RBFOX1: variants seen among roughly 807,000 people sequenced by gnomAD.
RBFOX1 encodes the protein RNA binding protein fox-1 homolog 1.
A neutral mutation model predicts 57.7 loss-of-function variants in RBFOX1; 8 were observed. The observed-to-expected ratio is 0.14, with a 90% CI of 0.08 to 0.25. The LOEUF (loss-of-function observed/expected upper bound fraction) is 0.25. Ranked by LOEUF, RBFOX1 falls within the 10% of genes least tolerant of loss-of-function variation. The probability of loss-of-function intolerance (pLI) is 1.00; values close to 1 mark genes in which losing one functional copy is unlikely to be tolerated. For synonymous variants in RBFOX1, 326 were observed against 222.4 expected (o/e 1.47, Z -4.15); for missense variants, 611 against 548.5 (o/e 1.11, Z -1.14).
At chr16:5,753,613 C>G (rs970868069) in intron 3 of RBFOX1, among the ~76,000 whole-genome samples, 4 of 152,114 alleles carry the variant, frequency 2.6e-5, no homozygotes, top group East Asian at 1.9e-4. Context: ...AGGAAACCTA[C>G]CAGCTGGTTG....
intron 2 of RBFOX1, among the ~76,000 whole-genome samples, chr16:6,620,176 C>G (rs1038524905): frequency 3.9e-5 from 6 of 152,058 alleles, no homozygotes; most frequent in African/African-American, 1.2e-4. Context: ...TAACTAAATT[C>G]AAAATCAGTC....
chr16:6,632,575 T>G (rs1023525378), intron 2 of RBFOX1, among the ~76,000 whole-genome samples: 2 of 152,144 alleles, frequency 1.3e-5, no homozygotes, highest in African/African-American at 4.8e-5. Flanking sequence ...TGGATTTCAG[T>G]GGAACAAAAA....
intron 4 of RBFOX1, among the ~76,000 whole-genome samples, chr16:5,953,342 A>G (rs1255978730): frequency 2.6e-5 from 4 of 152,190 alleles, no homozygotes; most frequent in East Asian, 1.9e-4. Flanking sequence ...AATTATTTCC[A>G]TAGGTTATTT....
intron 1 of RBFOX1, among the ~76,000 whole-genome samples, chr16:6,206,836 A>T (rs1019079998): frequency 6.6e-6 from 1 of 152,134 alleles, no homozygotes; most frequent in Non-Finnish European, 1.5e-5. Context: ...TGCTTAATGT[A>T]ATCCTTCGCT....
chr16:5,928,889 C>G (rs2058990072), intron 4 of RBFOX1, among the ~76,000 whole-genome samples: 1 of 151,868 alleles, frequency 6.6e-6, no homozygotes, highest in East Asian at 1.9e-4. Context: ...CTGTGACAGC[C>G]CATGTTCAAA....
At chr16:7,164,432 A>G (rs140438017) in intron 4 of RBFOX1, among the ~76,000 whole-genome samples, 3,448 of 152,332 alleles carry the variant, frequency 0.023, 53 homozygotes, top group Middle Eastern at 0.034. Flanking sequence ...ACATACGTCT[A>G]CAAGTGTCTT....
chr16:7,172,592 T>A (rs2061809), intron 4 of RBFOX1, among the ~76,000 whole-genome samples: 1 of 151,932 alleles, frequency 6.6e-6, no homozygotes, highest in African/African-American at 2.4e-5. Context: ...GTTTCCTTCA[T>A]ATTGGAGAAA....
chr16:7,324,977 G>A (rs2096592567), intron 4 of RBFOX1, among the ~76,000 whole-genome samples: 1 of 152,080 alleles, frequency 6.6e-6, no homozygotes, highest in Non-Finnish European at 1.5e-5. Flanking sequence ...TAATTCCTGG[G>A]TCTTAGTTTT....
intron 1 of RBFOX1, among the ~76,000 whole-genome samples, chr16:6,253,277 C>T (rs1223837513): frequency 6.6e-6 from 1 of 152,162 alleles, no homozygotes; most frequent in Non-Finnish European, 1.5e-5. Flanking sequence ...CAGATCTTTC[C>T]TTCATCATCG....
intron 3 of RBFOX1, among the ~76,000 whole-genome samples, chr16:5,856,571 GTGTGTA>G (rs2057068683): frequency 3.6e-5 from 1 of 27,990 alleles, no homozygotes; most frequent in Admixed American, 4.1e-4. Flanking sequence ...GTATGTGTGT[GTGTGTA>G]TATATATATA....
At chr16:7,600,486 G>A (rs191267109) in intron 9 of RBFOX1, among the ~76,000 whole-genome samples, 5 of 152,188 alleles carry the variant, frequency 3.3e-5, no homozygotes, top group Admixed American at 6.5e-5. Context: ...TAAGCAAGAC[G>A]ATAGAGTTAT....
chr16:6,426,975 G>A (rs1054407505), intron 2 of RBFOX1, among the ~76,000 whole-genome samples: 24 of 152,112 alleles, frequency 1.6e-4, no homozygotes, highest in African/African-American at 4.1e-4. Context: ...ATTCTATCTC[G>A]CTGTATAATT....
At chr16:5,776,051 T>C (rs1405884092) in intron 3 of RBFOX1, among the ~76,000 whole-genome samples, 2 of 152,154 alleles carry the variant, frequency 1.3e-5, no homozygotes, top group Admixed American at 1.3e-4. Flanking sequence ...TAATAAAAAA[T>C]GGAAATGGCT....
Position 7,630,680 on chromosome 16 carries a change from G to C in RBFOX1, c.754G>C (p.Ala252Pro). 6.2e-7 allele frequency: 1 copy of C among 1,614,088 alleles called. No individual in the cohort carries two copies. The highest frequency in any genetic ancestry group is 8.5e-7 in the Non-Finnish European group (1 of 1,180,014). The change falls in exon 11 of 16, where the codon GCA becomes CCA. Residue 252 changes from alanine to proline, a missense_variant. This residue lies in a region of RBFOX1 where 267 missense variants were observed against 229.1 expected (regional missense o/e 1.17). Coordinates refer to ENST00000550418, the MANE Select transcript of RBFOX1 (RefSeq NM_018723.4). The stretch of plus-strand genomic sequence containing the variant: ...CCCCAGTTCACTTGTATATACTTCT[G>C]CAAGTAAGCCCACTGTCGTGGCTCT... ...SAPSSLVYTS[A>P]MPGFPYPAAT...
intron 10 of RBFOX1, among the ~76,000 whole-genome samples, chr16:7,627,989 TA>T (rs1003957296): frequency 8.6e-5 from 13 of 151,530 alleles, no homozygotes; most frequent in African/African-American, 3.1e-4. Context: ...TCCACAGCAT[TA>T]AAAAAAATTA....
intron 4 of RBFOX1, among the ~76,000 whole-genome samples, chr16:7,330,548 A>G (rs34109083): frequency 0.12 from 18,374 of 148,974 alleles, 1,658 homozygotes; most frequent in African/African-American, 0.25. Context: ...AGAGAGAGAG[A>G]AAGTTACATA....
At chr16:6,883,416 T>G (rs957519551) in intron 3 of RBFOX1, among the ~76,000 whole-genome samples, 20 of 152,336 alleles carry the variant, frequency 1.3e-4, no homozygotes, top group African/African-American at 4.8e-4. Context: ...ATCAACTTAA[T>G]TAATGTGTTG....
At chr16:7,245,172 T>G (rs2094239259) in intron 4 of RBFOX1, among the ~76,000 whole-genome samples, 1 of 152,232 alleles carries the variant, frequency 6.6e-6, no homozygotes, top group African/African-American at 2.4e-5. Context: ...CTTACATGTC[T>G]CTCTAGATCC....
chr16:5,343,990 G>T (rs1354434610), intron 1 of RBFOX1, among the ~76,000 whole-genome samples: 4 of 152,158 alleles, frequency 2.6e-5, no homozygotes, highest in Admixed American at 6.5e-5. Context: ...GACTTTCTTT[G>T]GGTCTGAGCT....
Sources: gnomAD v4.1 joint callset for allele counts (sites outside exome capture counted in the v4.1 genomes callset) on GRCh38, gnomAD v4.1.1 for gene constraint, gnomAD v4.1.1 regional missense constraint, MANE v1.5 for transcripts, NCBI Gene and HGNC (gene_info 2026-07-23, HGNC 2026-07-21) for gene names.